YWHAB: variants seen among roughly 807,000 people sequenced by gnomAD.
The protein encoded by YWHAB is tyrosine 3-monooxygenase/tryptophan 5-monooxygenase activation protein beta.
A neutral mutation model predicts 28.5 loss-of-function variants in YWHAB; 2 were observed. The ratio of observed to expected loss-of-function variants is 0.07; its 90% CI spans 0.03 to 0.22. YWHAB has a LOEUF of 0.22. YWHAB is among the 10% of genes least tolerant of loss of function. The probability of loss-of-function intolerance (pLI) is 1.00; values close to 1 mark genes in which losing one functional copy is unlikely to be tolerated. For missense variants in YWHAB, 148 were observed against 297.1 expected, an observed-to-expected ratio of 0.50 and a Z score of 3.69; for synonymous variants, 103 against 104.7, an observed-to-expected ratio of 0.98 and a Z score of 0.10.
intron 4 of YWHAB, 176 bp downstream of exon 4, chr20:44,905,307 A>G (rs1266951685): frequency 2.6e-5 from 14 of 542,542 alleles, no homozygotes; most frequent in Middle Eastern, 4.6e-4. Context: ...TTCATTCTCA[A>G]TACCTTCTGC....
chr20:44,904,874 C>G, intron 3 of YWHAB, 94 bp from the exon 4 acceptor site: 1 of 1,283,254 alleles, frequency 7.8e-7, no homozygotes, highest in East Asian at 2.4e-5. Context: ...TGCTCCTGCC[C>G]AGTTTGGGAC....
intron 1 of YWHAB, chr20:44,887,502 T>C (rs2066535367): frequency 6.6e-6 from 1 of 152,234 alleles, no homozygotes; most frequent in African/African-American, 2.4e-5. Context: ...CCCTGGAGTA[T>C]GACGCCTACC....
chr20:44,903,842 C>T (rs1484753687), intron 2 of YWHAB, 151 bp from the exon 3 acceptor site: 1 of 849,866 alleles, frequency 1.2e-6, no homozygotes, highest in African/African-American at 1.8e-5. Flanking sequence ...ATGACCTGGG[C>T]TAAACAACAT....
chr20:44,897,730 A>G (rs1275106961), intron 1 of YWHAB, among the ~76,000 whole-genome samples: 1 of 152,152 alleles, frequency 6.6e-6, no homozygotes. Flanking sequence ...GAACCTGCAG[A>G]TATGGAGGGC....
intron 1 of YWHAB, among the ~76,000 whole-genome samples, chr20:44,893,012 T>A (rs565782502): frequency 5.9e-5 from 9 of 152,248 alleles, no homozygotes; most frequent in Non-Finnish European, 1.3e-4. Context: ...AAGCCAGTGC[T>A]TCTAAAGGCC....
At chr20:44,898,908 G>A (rs1403595546) in intron 1 of YWHAB, among the ~76,000 whole-genome samples, 1 of 152,040 alleles carries the variant, frequency 6.6e-6, no homozygotes, top group Non-Finnish European at 1.5e-5. Context: ...CCTGAGGTCA[G>A]GCGTTCAAGA....
At chr20:44,888,921 A>G (rs1310136869) in intron 1 of YWHAB, among the ~76,000 whole-genome samples, 1 of 152,198 alleles carries the variant, frequency 6.6e-6, no homozygotes, top group Non-Finnish European at 1.5e-5. Context: ...GCAGGGAGGA[A>G]ATGAGGAAAT....
In YWHAB at chr20:44,885,754, T is replaced by TCGCCGC. The variant is rs35664412; in HGVS notation, c.-123_-118dup. On this transcript the variant is annotated 5_prime_UTR_variant, in exon 1 of 6. Coordinates refer to ENST00000353703, the MANE Select transcript of YWHAB (RefSeq NM_139323.4). ...GCCGCCGATTCCGGAGCCGGGGTAG[T>TCGCCGC]CGCCGCCGCCGCCGCCGCTGCAGCC... is the stretch of plus-strand genomic sequence containing the variant. The TCGCCGC allele has an allele frequency of 2.8e-3, 505 of 178,260 alleles. 10 individuals are homozygous for TCGCCGC. Among genetic ancestry groups the TCGCCGC allele is most frequent in the Non-Finnish European group, 3.7e-3 (315 of 86,274 alleles). 11.0% of individuals were successfully genotyped at this position (178,260 alleles called of 1,614,324 possible). A position where few individuals can be genotyped will look rare whatever the true frequency, so the allele number is the denominator to read the frequency against.
At chr20:44,905,748 G>C in intron 4 of YWHAB, 1 of 360,886 alleles carries the variant, frequency 2.8e-6, no homozygotes, top group Non-Finnish European at 5.0e-6. Flanking sequence ...CTGTGCTAGG[G>C]TTAGCAGTAA....
Position 44,906,984 on chromosome 20 carries a change from G to A in YWHAB, c.*546G>A, listed in dbSNP as rs138363016. ...TAAAGACACTTGACCTGTTTGGGCT[G>A]TTGCCACTTAAAAGTTCATGACCAC... On this transcript the variant is annotated 3_prime_UTR_variant, in exon 6 of 6. Coordinates refer to ENST00000353703, the MANE Select transcript of YWHAB (RefSeq NM_139323.4). The A allele has an allele frequency of 1.3e-5, 2 of 152,504 alleles. No homozygotes were observed. The highest frequency in any genetic ancestry group is 3.9e-4 in the East Asian group (2 of 5,186). 9.4% of individuals were successfully genotyped at this position (152,504 alleles called of 1,614,324 possible). A position where few individuals can be genotyped will look rare whatever the true frequency, so the allele number is the denominator to read the frequency against.
At chr20:44,903,850 C>T in intron 2 of YWHAB, 143 bp from the exon 3 acceptor site, 8 of 934,648 alleles carry the variant, frequency 8.6e-6, no homozygotes, top group Non-Finnish European at 1.2e-5. Context: ...GGCTAAACAA[C>T]ATTTAGTAGC....
At position 44,901,802 on chromosome 20, in the gene YWHAB, C is replaced by A; in HGVS notation, c.269C>A (p.Ala90Glu). Residue 90 changes from alanine to glutamate, a missense_variant, in exon 2 of 6, where the codon GCA (alanine) becomes GAA (glutamate). Ala to Glu is a moderately radical substitution (Grantham distance 107, BLOSUM62 -1). This residue lies in a region of YWHAB where 110 missense variants were observed against 177.9 expected (regional missense o/e 0.62). Transcript: ENST00000353703. ...MGKEYREKIE[A>E]ELQDICNDVL... is the part of the protein sequence containing the mutation. ...AAAGAGTACCGTGAGAAGATAGAGG[C>A]AGAACTGCAGGACATCTGCAATGAT... 1 of 1,605,846 alleles carries A rather than the reference C, an allele frequency of 6.2e-7. No homozygotes were observed. Among genetic ancestry groups the A allele is most frequent in the Non-Finnish European group, 8.5e-7 (1 of 1,173,316 alleles).
Position 44,906,069 on chromosome 20 carries a change from C to T in YWHAB, c.657C>T (p.Ile219=). ...AGTCTTATAAAGACAGCACTCTGAT[C>T]ATGCAGTTACTTAGGGACAATCTCA... ...NEESYKDSTL[I]MQLLRDNLTL... is the part of the protein sequence containing the mutation. The change falls in exon 5 of 6, where the codon ATC becomes ATT. Residue 219 remains isoleucine (I), a synonymous_variant. Coordinates refer to ENST00000353703, the MANE Select transcript of YWHAB (RefSeq NM_139323.4). The T allele has an allele frequency of 6.2e-7, 1 of 1,613,708 alleles. No individual in the cohort carries two copies. Among genetic ancestry groups the T allele is most frequent in the Non-Finnish European group, 8.5e-7 (1 of 1,179,732 alleles).
intron 1 of YWHAB, among the ~76,000 whole-genome samples, chr20:44,899,941 A>G (rs2066617115): frequency 1.3e-5 from 2 of 152,234 alleles, no homozygotes; most frequent in Admixed American, 6.5e-5. Flanking sequence ...CATATACAAA[A>G]TTAGTGCCTG....
At chr20:44,886,076 G>C (rs2066525063) in intron 1 of YWHAB, 190 bp downstream of exon 1, 1 of 152,228 alleles carries the variant, frequency 6.6e-6, no homozygotes, top group Non-Finnish European at 1.5e-5. Flanking sequence ...CCGGGGCCGG[G>C]CCCTTTACCT....
rs922508008 is a variant in YWHAB, at chr20:44,891,011, T to A, written c.-4+5125T>A. Among the ~76,000 whole-genome samples the A allele has an allele frequency of 5.3e-5, 8 of 152,286 alleles. No individual in the cohort carries two copies. The East Asian group carries it at 1.5e-3, about 29-fold the overall frequency. On this transcript the variant is annotated intron_variant, in intron 1 of 5. Coordinates refer to ENST00000353703, the MANE Select transcript of YWHAB (RefSeq NM_139323.4). ...TTCCCTTCACTGGCTGACCATTGGT[T>A]TTTTAAGTTTTGTGTGGAATGTACT...
intron 2 of YWHAB, chr20:44,902,793 GCTT>G (rs2066635187): frequency 6.6e-6 from 1 of 152,278 alleles, no homozygotes; most frequent in Admixed American, 6.5e-5. Flanking sequence ...TTTGCATTGA[GCTT>G]CTCTTTTTAT....
At chr20:44,891,396 C>T (rs6017441) in intron 1 of YWHAB, among the ~76,000 whole-genome samples, 122 of 152,328 alleles carry the variant, frequency 8.0e-4, no homozygotes, top group African/African-American at 2.8e-3. Context: ...TGAGCCACCA[C>T]GCCCAGCCCA....
At chr20:44,905,562 T>C (rs1443331050) in intron 4 of YWHAB, 3 of 164,134 alleles carry the variant, frequency 1.8e-5, no homozygotes, top group Non-Finnish European at 3.9e-5. Context: ...ACACAACTTT[T>C]TAAAAACATT....
Sources: gnomAD v4.1 joint callset for allele counts (sites outside exome capture counted in the v4.1 genomes callset) on GRCh38, gnomAD v4.1.1 for gene constraint, gnomAD v4.1.1 regional missense constraint, MANE v1.5 for transcripts, NCBI Gene and HGNC (gene_info 2026-07-23, HGNC 2026-07-21) for gene names.